The following RRP1 variants were observed in gnomAD, a reference collection of about 807,000 sequenced individuals.
RRP1 encodes ribosomal RNA processing protein 1 homolog A.
Under a neutral mutation model 54.6 loss-of-function variants are expected in RRP1, and 37 were observed. The ratio of observed to expected loss-of-function variants is 0.68; its 90% CI spans 0.52 to 0.89. RRP1 has a LOEUF of 0.89. Ranked by LOEUF, RRP1 falls within the 40% of genes least tolerant of loss-of-function variation. The pLI, the probability that RRP1 is intolerant of heterozygous loss-of-function variation, is 0.00. For synonymous variants in RRP1, 262 were observed against 244.3 expected (o/e 1.07, Z -0.67); for missense variants, 639 against 612.5 (o/e 1.04, Z -0.46).
Position 43,803,655 on chromosome 21 carries a change from A to G in RRP1, c.1267A>G (p.Arg423Gly). 1 of 1,551,654 alleles carries G rather than the reference A, an allele frequency of 6.4e-7. No homozygotes were observed. The highest frequency in any genetic ancestry group is 8.7e-7 in the Non-Finnish European group (1 of 1,148,048). Reference protein sequence around the residue: ...AERALLRDQPRGRGQRGARQR... With the variant: ...AERALLRDQPGGRGQRGARQR... ...GCGGGCCCTGCTCCGAGATCAGCCC[A>G]GGGGCCGTGGCCAGAGAGGGGCTCG... is the stretch of plus-strand genomic sequence containing the variant. Residue 423 changes from arginine (R) to glycine (G), a missense_variant, in exon 13 of 13, where the codon AGG becomes GGG. Transcript: ENST00000497547.
chr21:43,794,127 C>T (rs2084990347), intron 4 of RRP1, among the ~76,000 whole-genome samples: 2 of 152,194 alleles, frequency 1.3e-5, no homozygotes, highest in Admixed American at 6.5e-5. Flanking sequence ...ACTCTGGCTT[C>T]AGTGTCCAGC....
At chr21:43,797,293 T>C (rs2085028934) in intron 5 of RRP1, 129 bp from the exon 6 acceptor site, 1 of 1,442,954 alleles carries the variant, frequency 6.9e-7, no homozygotes, top group Non-Finnish European at 9.1e-7. Context: ...AAGGCTGGCA[T>C]GTTTGCAGAC....
At chr21:43,799,239 A>G (rs1333787417) in intron 8 of RRP1, among the ~76,000 whole-genome samples, 2 of 151,966 alleles carry the variant, frequency 1.3e-5, no homozygotes, top group African/African-American at 4.8e-5. Flanking sequence ...TTGTTGCCCA[A>G]GATGCCAGCT....
intron 7 of RRP1, 70 bp downstream of exon 7, chr21:43,797,765 G>A: frequency 6.3e-7 from 1 of 1,589,026 alleles, no homozygotes; most frequent in East Asian, 2.2e-5. Context: ...CTGTTGTGGG[G>A]GTGCTGCTCC....
chr21:43,799,711 C>T (rs1365425681), intron 9 of RRP1, 62 bp downstream of exon 9: 5 of 1,485,886 alleles, frequency 3.4e-6, no homozygotes, highest in Admixed American at 1.9e-5. Flanking sequence ...ACCGCTTGCT[C>T]TGGAAGAGGA....
intron 2 of RRP1, 22 bp from the exon 3 acceptor site, chr21:43,792,650 G>A (rs1250782422): frequency 1.9e-6 from 3 of 1,613,924 alleles, no homozygotes; most frequent in Non-Finnish European, 2.5e-6. Context: ...GGCTGAGGGC[G>A]TTTTTGTTGT....
At chr21:43,792,933 A>G in intron 3 of RRP1, 1 of 599,784 alleles carries the variant, frequency 1.7e-6, no homozygotes, top group South Asian at 2.0e-5. Context: ...CATTTACCCA[A>G]AACCCTCATT....
intron 1 of RRP1, among the ~76,000 whole-genome samples, chr21:43,790,026 C>G (rs974982830): frequency 6.6e-5 from 10 of 152,258 alleles, no homozygotes; most frequent in Non-Finnish European, 1.2e-4. Context: ...TCAGGCGTCC[C>G]CTCCCTCCAG....
In RRP1 at chr21:43,798,056, G is replaced by A. The variant is rs772909448; in HGVS notation, c.767G>A (p.Arg256His). 2.1e-5 allele frequency: 34 copies of A among 1,613,902 alleles called. No homozygotes were observed. The highest frequency in any genetic ancestry group is 3.3e-5 in the Admixed American group (2 of 59,980). The change falls in exon 8 of 13, where the codon CGT becomes CAT. Residue 256 changes from arginine to histidine, a missense_variant. By Grantham distance (29) the Arg-to-His change is conservative (BLOSUM62 0). Coordinates refer to ENST00000497547, the MANE Select transcript of RRP1 (RefSeq NM_003683.6). ...DSDESSEGGE[R>H]GDALSQKRSE... The stretch of plus-strand genomic sequence containing the variant: ...GATGAGTCCTCTGAGGGTGGTGAGC[G>A]TGGAGACGCGCTGTCCCAGAAGAGG...
At chr21:43,797,861 A>G in intron 7 of RRP1, 46 bp from the exon 8 acceptor site, 1 of 1,590,212 alleles carries the variant, frequency 6.3e-7, no homozygotes, top group South Asian at 1.1e-5. Context: ...CCGCTTGGGA[A>G]TCCAGCATAA....
intron 11 of RRP1, 102 bp downstream of exon 11, chr21:43,800,983 C>T: frequency 1.6e-6 from 2 of 1,263,964 alleles, no homozygotes; most frequent in South Asian, 1.2e-5. Context: ...CGTGGAGTCT[C>T]TTTGCAGAGA....
chr21:43,800,499 G>GT lies in RRP1; in HGVS notation c.892-17dup. The GT allele has an allele frequency of 1.2e-6, 2 of 1,613,406 alleles. No individual in the cohort carries two copies. Among genetic ancestry groups the GT allele is most frequent in the Non-Finnish European group, 1.7e-6 (2 of 1,179,336 alleles). Reference sequence around the variant, plus strand: ...GCGTGGCTGACCTTGCCTCTGTGACGTCTCTCTTTTGAAACAGTTTGACTA... The same window carrying GT: ...GCGTGGCTGACCTTGCCTCTGTGACGTTCTCTCTTTTGAAACAGTTTGACTA... On this transcript the variant is annotated splice_polypyrimidine_tract_variant and intron_variant, in intron 9 of 12. Transcript: ENST00000497547.
Position 43,803,495 on chromosome 21 carries a change from T to C in RRP1, c.1124-17T>C, listed in dbSNP as rs1178263191. 1 of 1,536,064 alleles carries C rather than the reference T, an allele frequency of 6.5e-7. No individual in the cohort carries two copies. The highest frequency in any genetic ancestry group is 1.4e-5 in the African/African-American group (1 of 72,882). On this transcript the variant is annotated splice_polypyrimidine_tract_variant and intron_variant, in intron 12 of 12. Coordinates refer to ENST00000497547, the MANE Select transcript of RRP1 (RefSeq NM_003683.6). ...TGTTGGCATTCTCTGGCTCATGGGG[T>C]CTTGCTGTTTTGTCAGGGAAAGGTG...
chr21:43,793,535 G>A, intron 4 of RRP1, 131 bp downstream of exon 4: 1 of 709,356 alleles, frequency 1.4e-6, no homozygotes, highest in Non-Finnish European at 2.4e-6. Context: ...GGTGGGAGGT[G>A]GAGCCGAGAC....
rs1242217537 is a variant in RRP1 at position 43,804,244 on chromosome 21, A to G, written c.*470A>G. On this transcript the variant is annotated 3_prime_UTR_variant, in exon 13 of 13. Coordinates refer to ENST00000497547, the MANE Select transcript of RRP1 (RefSeq NM_003683.6). This position sits in a 1 kb window ranked among gnomAD's most constrained non-coding sequence, Gnocchi z 4.3. ...TTCACAGAACTGCCCAGGTGTTAAC[A>G]GGGCTGTCTGGACGGGGCTCTTTTG... 1 of 154,674 alleles carries G rather than the reference A, an allele frequency of 6.5e-6. No homozygotes were observed. Among genetic ancestry groups the G allele is most frequent in the Non-Finnish European group, 1.4e-5 (1 of 69,752 alleles). The allele number at this position is 154,674 out of a possible 1,614,324, so 9.6% of individuals were successfully genotyped here. A position where few individuals can be genotyped will look rare whatever the true frequency, so the allele number is the denominator to read the frequency against.
intron 9 of RRP1, 149 bp from the exon 10 acceptor site, chr21:43,800,368 C>T: frequency 1.5e-6 from 1 of 681,462 alleles, no homozygotes; most frequent in Non-Finnish European, 2.6e-6. Flanking sequence ...AGCTGCAGGA[C>T]CCTCAGTGAG....
intron 5 of RRP1, 75 bp from the exon 6 acceptor site, chr21:43,797,347 C>CT: frequency 1.3e-6 from 2 of 1,537,280 alleles, no homozygotes; most frequent in African/African-American, 2.7e-5. Flanking sequence ...AGCGTGTAAC[C>CT]ATGGGAGAGT....
At position 43,802,401 on chromosome 21, in the gene RRP1, G is replaced by A. The variant is rs1044851712; in HGVS notation, c.1123+14G>A. The A allele has an allele frequency of 4.4e-6, 7 of 1,604,996 alleles. No individual in the cohort carries two copies. The highest frequency in any genetic ancestry group is 6.0e-6 in the Non-Finnish European group (7 of 1,172,116). ...AGCAGGAGAGAGGTAGGACTAGGGG[G>A]TGTGTTAGTCATGGAGCCGGCGTCC... is the stretch of plus-strand genomic sequence containing the variant. On this transcript the variant is annotated intron_variant, in intron 12 of 12. Coordinates refer to ENST00000497547, the MANE Select transcript of RRP1 (RefSeq NM_003683.6).
At position 43,798,100 on chromosome 21, in the gene RRP1, G is replaced by A; in HGVS notation, c.811G>A (p.Gly271Ser). 1 of 1,608,020 alleles carries A rather than the reference G, an allele frequency of 6.2e-7. No individual in the cohort carries two copies. The highest frequency in any genetic ancestry group is 8.5e-7 in the Non-Finnish European group (1 of 1,176,834). ...GAAGAGGTCTGAGAAGCCGCCCGCAGGTGGGGGTCACACTGCGCCTGGCTT... is the reference window on the plus strand; with the variant it reads ...GAAGAGGTCTGAGAAGCCGCCCGCAAGTGGGGGTCACACTGCGCCTGGCTT... The part of the protein sequence containing the change: ...SQKRSEKPPA[G>S]SICRAEPEAG... Residue 271 changes from glycine (G) to serine (S), a missense_variant and splice_region_variant, in exon 8 of 13, where the codon GGC becomes AGC. Gly to Ser is a moderately conservative substitution (Grantham distance 56, BLOSUM62 0). Coordinates refer to ENST00000497547, the MANE Select transcript of RRP1 (RefSeq NM_003683.6).
Sources: allele counts gnomAD v4.1 joint callset (sites outside exome capture counted in the v4.1 genomes callset), GRCh38; gene constraint gnomAD v4.1.1; non-coding constraint Gnocchi (gnomAD v3.1); transcripts MANE v1.5; gene names NCBI Gene and HGNC (gene_info 2026-07-23, HGNC 2026-07-21).